The following SYNDIG1 variants were observed in gnomAD, a reference collection of about 807,000 sequenced individuals.
The protein encoded by SYNDIG1 is synapse differentiation-inducing gene protein 1.
SYNDIG1 carries 9 observed loss-of-function variants against 19.4 expected under a neutral mutation model. The observed-to-expected ratio is 0.46, with a 90% CI of 0.28 to 0.81. SYNDIG1 has a LOEUF of 0.81. Among genes scored for constraint, SYNDIG1 ranks in the 30% least tolerant of loss-of-function variants. SYNDIG1 has a pLI of 0.12. For synonymous variants in SYNDIG1, 141 were observed against 145.9 expected, an observed-to-expected ratio of 0.97 and a Z score of 0.24; for missense variants, 311 against 343.3, an observed-to-expected ratio of 0.91 and a Z score of 0.74.
chr20:24,503,587 A>G (rs913388559), intron 1 of SYNDIG1, among the ~76,000 whole-genome samples: 1 of 149,962 alleles, frequency 6.7e-6, no homozygotes, highest in South Asian at 2.2e-4. Context: ...CCCAATGGGA[A>G]TGCCTCCCCA....
chr20:24,473,923 A>T (rs2055544107), intron 1 of SYNDIG1, among the ~76,000 whole-genome samples: 1 of 152,182 alleles, frequency 6.6e-6, no homozygotes, highest in Admixed American at 6.5e-5. Flanking sequence ...TTTGTCTAAG[A>T]TCATTCAACT....
At chr20:24,513,500 C>G (rs147861702) in intron 1 of SYNDIG1, among the ~76,000 whole-genome samples, 3,611 of 152,086 alleles carry the variant, frequency 0.024, 53 homozygotes, top group Middle Eastern at 0.041. Flanking sequence ...GTAGCCGATT[C>G]GATCAACTGG....
At chr20:24,526,004 A>T (rs1310420845) in intron 1 of SYNDIG1, among the ~76,000 whole-genome samples, 1 of 152,034 alleles carries the variant, frequency 6.6e-6, no homozygotes, top group Non-Finnish European at 1.5e-5. Context: ...ACTCCTTAAT[A>T]TCTGTTTTGT....
chr20:24,488,740 G>A (rs1049939076), intron 1 of SYNDIG1, among the ~76,000 whole-genome samples: 1 of 152,214 alleles, frequency 6.6e-6, no homozygotes, highest in East Asian at 1.9e-4. Context: ...TGGGACCAAG[G>A]TGTGAGTGTT....
At chr20:24,488,466 A>G (rs1411052654) in intron 1 of SYNDIG1, among the ~76,000 whole-genome samples, 2 of 152,222 alleles carry the variant, frequency 1.3e-5, no homozygotes, top group East Asian at 1.9e-4. Context: ...GCCGACAACA[A>G]TGGTAGACCA....
intron 2 of SYNDIG1, among the ~76,000 whole-genome samples, chr20:24,551,095 T>C (rs1158183533): frequency 6.6e-6 from 1 of 152,242 alleles, no homozygotes; most frequent in African/African-American, 2.4e-5. Flanking sequence ...GATTTCTTTT[T>C]GTTTGTTAGA....
At chr20:24,517,563 G>A (rs1340451384) in intron 1 of SYNDIG1, among the ~76,000 whole-genome samples, 12 of 147,122 alleles carry the variant, frequency 8.2e-5, no homozygotes, top group Non-Finnish European at 1.6e-4. Context: ...AGCTTGCAGT[G>A]AGCCGAGATC....
chr20:24,566,919 T>A (rs1324521726), intron 2 of SYNDIG1, among the ~76,000 whole-genome samples: 1 of 152,190 alleles, frequency 6.6e-6, no homozygotes. Context: ...AAGGTCCAAA[T>A]GCATGTTCTC....
intron 3 of SYNDIG1, among the ~76,000 whole-genome samples, chr20:24,626,963 G>C (rs2059152952): frequency 6.6e-6 from 1 of 152,190 alleles, no homozygotes; most frequent in Admixed American, 6.5e-5. Flanking sequence ...GCAATCGCAG[G>C]CACTCGGCAG....
At chr20:24,557,493 T>C (rs897195244) in intron 2 of SYNDIG1, among the ~76,000 whole-genome samples, 1 of 152,156 alleles carries the variant, frequency 6.6e-6, no homozygotes, top group Non-Finnish European at 1.5e-5. Context: ...GGTGTGGATG[T>C]CCTTTCTGTT....
chr20:24,493,831 T>A (rs991290912), intron 1 of SYNDIG1, among the ~76,000 whole-genome samples: 10 of 150,752 alleles, frequency 6.6e-5, no homozygotes, highest in African/African-American at 2.0e-4. Context: ...GGTGCTGGAG[T>A]CACCACCAGC....
intron 1 of SYNDIG1, among the ~76,000 whole-genome samples, chr20:24,485,925 C>A (rs1467275540): frequency 6.6e-6 from 1 of 152,208 alleles, no homozygotes; most frequent in Admixed American, 6.5e-5. Context: ...AGAGACCCCC[C>A]CAGGAGATGT....
chr20:24,581,924 C>T (rs532396552), intron 2 of SYNDIG1, among the ~76,000 whole-genome samples: 29 of 150,760 alleles, frequency 1.9e-4, no homozygotes, highest in Non-Finnish European at 3.1e-4. Context: ...CTGCACTGTA[C>T]GTCCTCCCAC....
At chr20:24,508,483 G>T (rs1005507783) in intron 1 of SYNDIG1, among the ~76,000 whole-genome samples, 1 of 151,982 alleles carries the variant, frequency 6.6e-6, no homozygotes, top group Admixed American at 6.6e-5. Flanking sequence ...CTCCCAAAGT[G>T]CTGGGATTAC....
At chr20:24,518,890 C>T (rs757364175) in intron 1 of SYNDIG1, among the ~76,000 whole-genome samples, 1 of 152,248 alleles carries the variant, frequency 6.6e-6, no homozygotes, top group African/African-American at 2.4e-5. Context: ...TGTCTTCTGG[C>T]AACCACAGAC....
At chr20:24,490,845 C>T (rs528705665) in intron 1 of SYNDIG1, among the ~76,000 whole-genome samples, 4 of 152,322 alleles carry the variant, frequency 2.6e-5, no homozygotes, top group Middle Eastern at 3.4e-3. Context: ...AGATGTCAAT[C>T]AGCAAGCCAA....
intron 2 of SYNDIG1, among the ~76,000 whole-genome samples, chr20:24,562,110 C>G (rs1057456025): frequency 1.3e-5 from 2 of 149,154 alleles, no homozygotes; most frequent in African/African-American, 5.1e-5. Context: ...AGTTTCACCT[C>G]CTTATAGTTG....
In SYNDIG1 at chr20:24,472,762, G is replaced by A. The variant is rs887893710; in HGVS notation, c.-79+3009G>A. On this transcript the variant is annotated intron_variant, in intron 1 of 3. Coordinates refer to ENST00000376862, the MANE Select transcript of SYNDIG1 (RefSeq NM_024893.3). ...GGGAGGGGAGGCCCTCCCTCCACCAGCCCCCTCCCATTCTGCACACCTCTG... is the reference window on the plus strand; with the variant it reads ...GGGAGGGGAGGCCCTCCCTCCACCAACCCCCTCCCATTCTGCACACCTCTG... Among the ~76,000 whole-genome samples the A allele has an allele frequency of 2.0e-5, 3 of 152,310 alleles. No individual in the cohort carries two copies. In the South Asian group the frequency reaches 6.2e-4, roughly 32 times the overall value.
intron 3 of SYNDIG1, among the ~76,000 whole-genome samples, chr20:24,604,949 A>G (rs907023223): frequency 1.3e-5 from 2 of 152,144 alleles, no homozygotes; most frequent in African/African-American, 2.4e-5. Flanking sequence ...TAGTAAATTG[A>G]GTCCCATCTA....
Sources: allele counts gnomAD v4.1 joint callset (sites outside exome capture counted in the v4.1 genomes callset), GRCh38; gene constraint gnomAD v4.1.1; transcripts MANE v1.5; gene names NCBI Gene and HGNC (gene_info 2026-07-23, HGNC 2026-07-21).